Variants in DNAJC6 observed in about 807,000 individuals in gnomAD.
DNAJC6 encodes auxilin.
In DNAJC6, 34 loss-of-function variants were observed where a neutral mutation model predicts 110.0. That is an observed-to-expected ratio of 0.31 (90% CI 0.24 to 0.41). The LOEUF is 0.41. Ranked by LOEUF, DNAJC6 falls within the 10% of genes least tolerant of loss-of-function variation. The pLI is 1.00. For missense variants in DNAJC6, 1,031 were observed against 1,207.8 expected, an observed-to-expected ratio of 0.85 and a Z score of 2.17; for synonymous variants, 406 against 437.2, an observed-to-expected ratio of 0.93 and a Z score of 0.89.
intron 1 of DNAJC6, among the ~76,000 whole-genome samples, chr1:65,353,563 G>A (rs1305209473): frequency 6.6e-6 from 1 of 152,180 alleles, no homozygotes; most frequent in Non-Finnish European, 1.5e-5. Context: ...CCAACAGCCT[G>A]GTTGTGAACA....
At chr1:65,315,400 C>T (rs1298460617) in intron 1 of DNAJC6, among the ~76,000 whole-genome samples, 1 of 151,918 alleles carries the variant, frequency 6.6e-6, no homozygotes, top group Non-Finnish European at 1.5e-5. Flanking sequence ...TAAGTATTCT[C>T]TCCCCTCCCT....
intron 1 of DNAJC6, among the ~76,000 whole-genome samples, chr1:65,349,161 G>A (rs1170722498): frequency 6.9e-6 from 1 of 145,662 alleles, no homozygotes; most frequent in Admixed American, 6.9e-5. Context: ...TTTGGTATGT[G>A]GTTTCTCCAG....
intron 1 of DNAJC6, among the ~76,000 whole-genome samples, chr1:65,266,068 G>C (rs927193123): frequency 6.6e-6 from 1 of 152,218 alleles, no homozygotes; most frequent in African/African-American, 2.4e-5. Context: ...AGCCCGTTGG[G>C]CAGGTTTCGC....
intron 1 of DNAJC6, among the ~76,000 whole-genome samples, chr1:65,299,313 T>G (rs1363361176): frequency 6.6e-6 from 1 of 152,218 alleles, no homozygotes; most frequent in Non-Finnish European, 1.5e-5. Context: ...GTATCACCTT[T>G]AATGGCTTAA....
In DNAJC6 at chr1:65,285,312, C is replaced by T. The variant is rs74083008; in HGVS notation, c.-131+20380C>T. Among the ~76,000 whole-genome samples, 582 of 152,304 alleles carry T rather than the reference C, an allele frequency of 3.8e-3. 1 individual carries two copies. Among genetic ancestry groups the T allele is most frequent in the African/African-American group, 0.013 (559 of 41,556 alleles). On this transcript the variant is annotated intron_variant, in intron 1 of 19. Coordinates refer to the DNAJC6 transcript ENST00000263441. Reference sequence around the variant, plus strand: ...CTGAAATGCCTGGCGTACAATTGCTCAGACCATGTTCTTTTTGGATTTTGT... The same window carrying T: ...CTGAAATGCCTGGCGTACAATTGCTTAGACCATGTTCTTTTTGGATTTTGT...
intron 1 of DNAJC6, among the ~76,000 whole-genome samples, chr1:65,326,683 TC>T (rs1378644335): frequency 2.6e-5 from 4 of 152,252 alleles, no homozygotes; most frequent in African/African-American, 9.6e-5. Flanking sequence ...AGTTCTTGTT[TC>T]CCTTCCTGTG....
At chr1:65,274,815 T>A (rs1190161126) in intron 1 of DNAJC6, among the ~76,000 whole-genome samples, 1 of 152,232 alleles carries the variant, frequency 6.6e-6, no homozygotes, top group African/African-American at 2.4e-5. Flanking sequence ...CTGTTTTATA[T>A]ACCACTTTCT....
chr1:65,313,727 C>G (rs1645123535), intron 1 of DNAJC6, among the ~76,000 whole-genome samples: 1 of 152,178 alleles, frequency 6.6e-6, no homozygotes, highest in Non-Finnish European at 1.5e-5. Context: ...TAATGGCTTT[C>G]TAAGTCAACA....
rs1187638636 is a variant in DNAJC6 at position 65,389,593 on chromosome 1, A to G, written c.1434A>G (p.Gly478=). 2 of 1,614,194 alleles carry G rather than the reference A, an allele frequency of 1.2e-6. No homozygotes were observed. The highest frequency in any genetic ancestry group is 2.7e-5 in the African/African-American group (2 of 75,058). ...DIPPDNPRHY[G]QSGFFASLCW... ...CTCCAGACAACCCCAGGCATTACGGACAAAGTGGTTTCTTTGCCTCTCTCT... is the reference window on the plus strand; with the variant it reads ...CTCCAGACAACCCCAGGCATTACGGGCAAAGTGGTTTCTTTGCCTCTCTCT... Residue 478 remains glycine, a synonymous_variant, in exon 11 of 19, where the codon GGA becomes GGG. Coordinates refer to ENST00000371069, the MANE Select transcript of DNAJC6 (RefSeq NM_001256864.2).
At chr1:65,350,453 C>G (rs757443350) in intron 1 of DNAJC6, among the ~76,000 whole-genome samples, 3 of 152,138 alleles carry the variant, frequency 2.0e-5, no homozygotes, top group Non-Finnish European at 4.4e-5. Flanking sequence ...ATATCTGAAG[C>G]ATTTCAGGTT....
chr1:65,386,882 T>A lies in DNAJC6; in HGVS notation c.1066T>A (p.Ser356Thr). 5.0e-6 allele frequency: 8 copies of A among 1,614,138 alleles called. No individual in the cohort carries two copies. The highest frequency in any genetic ancestry group is 5.9e-6 in the Non-Finnish European group (7 of 1,180,018). ...NITVQGDVVV[S>T]MYHLRSTIGS... is the part of the protein sequence containing the mutation. The stretch of plus-strand genomic sequence containing the variant: ...CACTGTGCAAGGAGACGTGGTTGTT[T>A]CCATGTATCACTTGAGGTCAACCAT... The change falls in exon 8 of 19, where the codon TCC becomes ACC. Residue 356 changes from serine (S) to threonine (T), a missense_variant. Physicochemically the swap from Ser to Thr is moderately conservative, Grantham distance 58. Coordinates refer to ENST00000371069, the MANE Select transcript of DNAJC6 (RefSeq NM_001256864.2).
intron 1 of DNAJC6, among the ~76,000 whole-genome samples, chr1:65,271,488 C>T (rs1325588055): frequency 1.3e-5 from 2 of 152,116 alleles, no homozygotes; most frequent in African/African-American, 2.4e-5. Flanking sequence ...TTAGATTCCA[C>T]ACACAAGTGA....
At chr1:65,273,364 C>T (rs541509691) in intron 1 of DNAJC6, among the ~76,000 whole-genome samples, 4 of 152,154 alleles carry the variant, frequency 2.6e-5, no homozygotes, top group South Asian at 2.1e-4. Context: ...TTTTGGAGGC[C>T]GAGGCAGGTG....
At chr1:65,306,737 A>G (rs142119430), upstream of DNAJC6, among the ~76,000 whole-genome samples, 10 of 152,244 alleles carry the variant, frequency 6.6e-5, no homozygotes, top group East Asian at 1.4e-3. Flanking sequence ...TAGGCTGTAA[A>G]TGTTCACCTT....
At chr1:65,347,532 TTATAGA>T (rs1284865860) in intron 1 of DNAJC6, among the ~76,000 whole-genome samples, 5 of 152,090 alleles carry the variant, frequency 3.3e-5, no homozygotes, top group Non-Finnish European at 7.4e-5. Flanking sequence ...GTCTTCTATA[TTATAGA>T]TATATATGAT....
At chr1:65,345,632 G>A in intron 1 of DNAJC6, 1 of 983,964 alleles carries the variant, frequency 1.0e-6, no homozygotes, top group Non-Finnish European at 1.2e-6. Context: ...ATTGAGTCGA[G>A]AATTTTTGGG....
At chr1:65,298,369 TG>T (rs2101261818) in intron 1 of DNAJC6, among the ~76,000 whole-genome samples, 1 of 152,144 alleles carries the variant, frequency 6.6e-6, no homozygotes, top group Non-Finnish European at 1.5e-5. Flanking sequence ...TTGTTTTTAC[TG>T]GGAAAAAAGG....
chr1:65,395,563 AG>A (rs919113359), intron 13 of DNAJC6, among the ~76,000 whole-genome samples: 120 of 152,326 alleles, frequency 7.9e-4, no homozygotes, highest in African/African-American at 2.8e-3. Context: ...ATACACTCCA[AG>A]TATAAAATAC....
chr1:65,313,698 G>A (rs992874419), intron 1 of DNAJC6, among the ~76,000 whole-genome samples: 1 of 152,102 alleles, frequency 6.6e-6, no homozygotes, highest in Non-Finnish European at 1.5e-5. Context: ...TAAAAGAGGG[G>A]TACATGTTCA....
Sources: gnomAD v4.1 joint callset for allele counts (sites outside exome capture counted in the v4.1 genomes callset) on GRCh38, gnomAD v4.1.1 for gene constraint, MANE v1.5 for transcripts, NCBI Gene and HGNC (gene_info 2026-07-23, HGNC 2026-07-21) for gene names.